Variants in ARHGAP24 observed in about 807,000 individuals in gnomAD.
ARHGAP24 encodes rho GTPase-activating protein 24.
ARHGAP24 carries 50 observed loss-of-function variants against 76.4 expected under a neutral mutation model. The observed-to-expected ratio is 0.65, with a 90% CI of 0.52 to 0.83. ARHGAP24 has a LOEUF of 0.83. Ranked by LOEUF, ARHGAP24 falls within the 40% of genes least tolerant of loss-of-function variation. The probability of loss-of-function intolerance (pLI) is 0.00; values close to 1 mark genes in which losing one functional copy is unlikely to be tolerated. For synonymous variants in ARHGAP24, 345 were observed against 323.3 expected (o/e 1.07, Z -0.72); for missense variants, 930 against 914.2 (o/e 1.02, Z -0.22).
chr4:85,814,429 C>A (rs1343134114), intron 3 of ARHGAP24, among the ~76,000 whole-genome samples: 8 of 152,134 alleles, frequency 5.3e-5, no homozygotes, highest in Non-Finnish European at 1.0e-4. Context: ...AATGGGGGTA[C>A]AGTAATTGGG....
chr4:85,589,132 G>A (rs1727983958), intron 2 of ARHGAP24, among the ~76,000 whole-genome samples: 2 of 152,140 alleles, frequency 1.3e-5, no homozygotes. Flanking sequence ...AGCTTCTGTG[G>A]GTATTTGCAT....
chr4:85,777,105 A>G (rs966737510), intron 3 of ARHGAP24, among the ~76,000 whole-genome samples: 2 of 152,174 alleles, frequency 1.3e-5, no homozygotes, highest in African/African-American at 4.8e-5. Flanking sequence ...TTCTTTCTCA[A>G]CATTTCTGTT....
chr4:85,477,750 C>T (rs1578174758), intron 1 of ARHGAP24, among the ~76,000 whole-genome samples: 1 of 152,266 alleles, frequency 6.6e-6, no homozygotes, highest in East Asian at 1.9e-4. Flanking sequence ...GACCTACTGG[C>T]CCATTGACGA....
chr4:85,562,309 T>G (rs776077906), intron 1 of ARHGAP24, among the ~76,000 whole-genome samples: 3 of 152,226 alleles, frequency 2.0e-5, no homozygotes, highest in Non-Finnish European at 2.9e-5. Flanking sequence ...GTGATTACTA[T>G]GATAGTAATC....
chr4:85,872,367 G>A (rs528893982), intron 3 of ARHGAP24, among the ~76,000 whole-genome samples: 1 of 151,816 alleles, frequency 6.6e-6, no homozygotes, highest in South Asian at 2.1e-4. Context: ...CATGATCTTG[G>A]CTCACTGCAA....
At chr4:85,879,920 C>G (rs1733148819) in intron 3 of ARHGAP24, among the ~76,000 whole-genome samples, 1 of 152,026 alleles carries the variant, frequency 6.6e-6, no homozygotes, top group Non-Finnish European at 1.5e-5. Context: ...AGCAGGCAAC[C>G]TGGATTCCTC....
chr4:85,899,405 G>C (rs1734371691), intron 3 of ARHGAP24, among the ~76,000 whole-genome samples: 1 of 152,090 alleles, frequency 6.6e-6, no homozygotes, highest in African/African-American at 2.4e-5. Flanking sequence ...TCCTAGTGTT[G>C]CTTTACCCAC....
intron 1 of ARHGAP24, among the ~76,000 whole-genome samples, chr4:85,510,462 TC>T (rs1441667390): frequency 6.6e-6 from 1 of 151,780 alleles, no homozygotes; most frequent in East Asian, 1.9e-4. Flanking sequence ...TTTCTCCCTC[TC>T]TCTACCCGTT....
intron 3 of ARHGAP24, among the ~76,000 whole-genome samples, chr4:85,906,747 G>C (rs1306688580): frequency 6.6e-6 from 1 of 152,076 alleles, no homozygotes; most frequent in Admixed American, 6.6e-5. Flanking sequence ...GGGCAGTGTA[G>C]TTATTAGCAT....
chr4:85,757,786 C>T (rs1259568173), intron 3 of ARHGAP24, among the ~76,000 whole-genome samples: 3 of 152,188 alleles, frequency 2.0e-5, no homozygotes, highest in African/African-American at 2.4e-5. Context: ...CTTGAGGAAT[C>T]ACCATACTGT....
intron 3 of ARHGAP24, among the ~76,000 whole-genome samples, chr4:85,759,706 T>C (rs73833241): frequency 0.017 from 2,514 of 152,100 alleles, 69 homozygotes; most frequent in African/African-American, 0.057. Context: ...TTAGGCTGTG[T>C]AAAAGGACAG....
Position 86,000,769 on chromosome 4 carries a change from G to A in ARHGAP24, c.*47G>A. Reference sequence around the variant, plus strand: ...CTGATGGCTCTGGCAAGGACTCCAGGGATTCTGGTGGGATATGACTTAGAA... The same window carrying A: ...CTGATGGCTCTGGCAAGGACTCCAGAGATTCTGGTGGGATATGACTTAGAA... On this transcript the variant is annotated 3_prime_UTR_variant, in exon 10 of 10. Transcript: ENST00000395184. The A allele has an allele frequency of 1.9e-6, 3 of 1,611,502 alleles. No homozygotes were observed. The highest frequency in any genetic ancestry group is 2.5e-6 in the Non-Finnish European group (3 of 1,178,696).
At chr4:85,583,998 C>G (rs183189309) in intron 2 of ARHGAP24, among the ~76,000 whole-genome samples, 1 of 146,540 alleles carries the variant, frequency 6.8e-6, no homozygotes, top group Non-Finnish European at 1.5e-5. Flanking sequence ...TTGGTGGGAC[C>G]GTAAACTAGT....
chr4:85,622,738 C>G (rs1720767588), intron 2 of ARHGAP24, among the ~76,000 whole-genome samples: 2 of 152,204 alleles, frequency 1.3e-5, no homozygotes, highest in Admixed American at 6.5e-5. Context: ...TCCTATTTCT[C>G]CACATCCTCT....
chr4:85,816,800 C>T (rs1038980515), intron 3 of ARHGAP24, among the ~76,000 whole-genome samples: 1 of 152,056 alleles, frequency 6.6e-6, no homozygotes, highest in Middle Eastern at 3.2e-3. Context: ...GATTGCTGGG[C>T]CAAATGGTAA....
intron 3 of ARHGAP24, among the ~76,000 whole-genome samples, chr4:85,877,194 G>A (rs976227967): frequency 2.0e-5 from 3 of 152,064 alleles, no homozygotes; most frequent in Non-Finnish European, 4.4e-5. Context: ...GCCTGAGGTA[G>A]TTTTTTGTTG....
rs560451116 is a variant in ARHGAP24, at chr4:85,957,595, A to G, written c.600-14441A>G. On this transcript the variant is annotated intron_variant, in intron 5 of 9. Coordinates refer to ENST00000395184, the MANE Select transcript of ARHGAP24 (RefSeq NM_001025616.3). ...GAAGTCAATATCCTGTTTCTGTGGC[A>G]CCTTAAATTACTTGGAATAACCCAC... 2.5e-4 allele frequency among the ~76,000 whole-genome samples: 38 copies of G among 152,284 alleles called. No individual in the cohort carries two copies. In the South Asian group the frequency reaches 5.2e-3, roughly 21 times the overall value.
intron 3 of ARHGAP24, among the ~76,000 whole-genome samples, chr4:85,787,210 G>A (rs757795151): frequency 6.6e-6 from 1 of 152,206 alleles, no homozygotes; most frequent in Non-Finnish European, 1.5e-5. Context: ...AAGAGGATAT[G>A]AGCTTGCTTT....
intron 3 of ARHGAP24, among the ~76,000 whole-genome samples, chr4:85,847,884 G>C (rs1241076173): frequency 2.0e-5 from 3 of 152,048 alleles, no homozygotes; most frequent in Admixed American, 2.0e-4. Context: ...AATGAGCATT[G>C]TTCATCTCAT....
Sources: gnomAD v4.1 joint callset for allele counts (sites outside exome capture counted in the v4.1 genomes callset) on GRCh38, gnomAD v4.1.1 for gene constraint, MANE v1.5 for transcripts, NCBI Gene and HGNC (gene_info 2026-07-23, HGNC 2026-07-21) for gene names.